Variants in PLA2R1 observed in about 807,000 individuals in gnomAD.
PLA2R1 encodes phospholipase A2 receptor 1.
A neutral mutation model predicts 195.9 loss-of-function variants in PLA2R1; 158 were observed. That is an observed-to-expected ratio of 0.81 (90% CI 0.71 to 0.92). PLA2R1 has a LOEUF of 0.92. Among genes scored for constraint, PLA2R1 ranks in the 40% least tolerant of loss-of-function variants. PLA2R1 has a pLI of 0.00. For synonymous variants in PLA2R1, 586 were observed against 598.2 expected, an observed-to-expected ratio of 0.98 and a Z score of 0.30; for missense variants, 1,626 against 1,764.6, an observed-to-expected ratio of 0.92 and a Z score of 1.41.
intron 24 of PLA2R1, among the ~76,000 whole-genome samples, chr2:159,950,200 T>C (rs1260422579): frequency 6.6e-6 from 1 of 152,206 alleles, no homozygotes; most frequent in Admixed American, 6.5e-5. Flanking sequence ...CAAAACTGAC[T>C]ACATGAAGTT....
In PLA2R1 at chr2:159,932,115, C is replaced by G. The variant is rs557854004; in HGVS notation, c.*9663G>C. 1 of 152,284 alleles carries G rather than the reference C, an allele frequency of 6.6e-6. No homozygotes were observed. Among genetic ancestry groups the G allele is most frequent in the Non-Finnish European group, 1.5e-5 (1 of 68,010 alleles). The allele number at this position is 152,284 out of a possible 1,614,324, so 9.4% of individuals were successfully genotyped here. ...TTCTTGCTTAATATCTCTTTTTTCT[C>G]CCTTCACTTCACTTGGGACGTTTAG... On this transcript the variant is annotated 3_prime_UTR_variant, in exon 30 of 30. Transcript: ENST00000283243.
chr2:159,972,401 C>A (rs1002910362), intron 17 of PLA2R1, among the ~76,000 whole-genome samples: 1 of 152,136 alleles, frequency 6.6e-6, no homozygotes, highest in Non-Finnish European at 1.5e-5. Flanking sequence ...GTCATATGAA[C>A]ATGCATTTTA....
chr2:159,984,375 C>A (rs1405160356), intron 12 of PLA2R1, among the ~76,000 whole-genome samples: 1 of 151,924 alleles, frequency 6.6e-6, no homozygotes, highest in Non-Finnish European at 1.5e-5. Flanking sequence ...ACTTGTCCCT[C>A]AGTAAATATT....
At chr2:159,970,537 C>T (rs1209528249) in intron 17 of PLA2R1, among the ~76,000 whole-genome samples, 1 of 152,136 alleles carries the variant, frequency 6.6e-6, no homozygotes, top group Non-Finnish European at 1.5e-5. Flanking sequence ...AAATTATTGG[C>T]TCATCCTCTC....
chr2:160,005,728 C>CT lies in PLA2R1; in HGVS notation c.1757_1758insA (p.Glu588ArgfsTer51). 6.2e-7 allele frequency: 1 copy of CT among 1,613,560 alleles called. No homozygotes were observed. Among genetic ancestry groups the CT allele is most frequent in the Non-Finnish European group, 8.5e-7 (1 of 1,179,550 alleles). On this transcript the variant is annotated frameshift_variant, in exon 11 of 30. Transcript: ENST00000283243. LOFTEE classifies it high-confidence loss of function. ...CTACTGGCTTCCAAGTGTATTCTCCCGTATCATTTTGGTCCTGAAGAGCTA... is the reference window on the plus strand; with the variant it reads ...CTACTGGCTTCCAAGTGTATTCTCCCTGTATCATTTTGGTCCTGAAGAGCTA...
Position 159,984,052 on chromosome 2 carries a change from G to C in PLA2R1, c.2059C>G (p.Leu687Val). 1.9e-6 allele frequency: 3 copies of C among 1,568,632 alleles called. No homozygotes were observed. Among genetic ancestry groups the C allele is most frequent in the Non-Finnish European group, 2.6e-6 (3 of 1,142,770 alleles). ...CFKVFHSEKV[L>V]MKRTWREAEA... ...GCTTCTCTCCATGTTCTTTTCATCA[G>C]AACTTTTTCACTATGAAATACCTGT... Residue 687 changes from leucine (L) to valine (V), a missense_variant, in exon 13 of 30, where the codon CTG becomes GTG. By Grantham distance (32) the Leu-to-Val change is conservative. Transcript: ENST00000283243.
chr2:160,046,173 C>T (rs1694854793), intron 1 of PLA2R1, among the ~76,000 whole-genome samples: 1 of 152,236 alleles, frequency 6.6e-6, no homozygotes, highest in African/African-American at 2.4e-5. Context: ...GTGCTGGGCA[C>T]ATGGTGGAAA....
chr2:160,005,011 T>C (rs1344529775), intron 11 of PLA2R1, among the ~76,000 whole-genome samples: 1 of 152,138 alleles, frequency 6.6e-6, no homozygotes, highest in Non-Finnish European at 1.5e-5. Context: ...GAGTAAGCAC[T>C]TGAGATTCTT....
intron 27 of PLA2R1, 133 bp downstream of exon 27, chr2:159,946,668 T>C (rs1687404331): frequency 7.1e-7 from 1 of 1,407,936 alleles, no homozygotes; most frequent in Admixed American, 3.0e-5. Flanking sequence ...TTGGAAGAAA[T>C]GGCTTTAGGC....
At chr2:160,054,658 A>G (rs1695421270) in intron 1 of PLA2R1, among the ~76,000 whole-genome samples, 1 of 152,218 alleles carries the variant, frequency 6.6e-6, no homozygotes, top group African/African-American at 2.4e-5. Flanking sequence ...CAAGTTACAG[A>G]TATTCTAATC....
In PLA2R1 at chr2:159,964,863, C is replaced by T. The variant is rs187423664; in HGVS notation, c.2904+2676G>A. On this transcript the variant is annotated intron_variant, in intron 20 of 29. Coordinates refer to ENST00000283243, the MANE Select transcript of PLA2R1 (RefSeq NM_007366.5). Reference sequence around the variant, plus strand: ...CTGGCATGATGAAACCCCGTTTCTACTAAAAATACAAAAATTAGTCAGGCG... The same window carrying T: ...CTGGCATGATGAAACCCCGTTTCTATTAAAAATACAAAAATTAGTCAGGCG... Among the ~76,000 whole-genome samples, 186 of 152,176 alleles carry T rather than the reference C, an allele frequency of 1.2e-3. 1 individual carries two copies. The highest frequency in any genetic ancestry group is 4.3e-3 in the African/African-American group (177 of 41,510).
intron 12 of PLA2R1, 117 bp from the exon 13 acceptor site, chr2:159,984,190 T>C: frequency 1.9e-6 from 1 of 521,760 alleles, no homozygotes; most frequent in African/African-American, 1.9e-5. Context: ...ATAAAGAGCT[T>C]GATCTAGTGG....
Position 160,032,966 on chromosome 2 carries a change from G to A in PLA2R1, c.834C>T (p.Phe278=), listed in dbSNP as rs754220993. The A allele has an allele frequency of 6.2e-7, 1 of 1,608,366 alleles. No individual in the cohort carries two copies. The highest frequency in any genetic ancestry group is 1.7e-5 in the Admixed American group (1 of 59,524). The change falls in exon 4 of 30, where the codon TTC becomes TTT. Residue 278 remains phenylalanine (F), a synonymous_variant. Transcript: ENST00000283243. Reference sequence around the variant, plus strand: ...CGTCATCCACCTACTTACCCCTTATGAAATTTTCTTCAGTTTCATCTGTAA... The same window carrying A: ...CGTCATCCACCTACTTACCCCTTATAAAATTTTCTTCAGTTTCATCTGTAA... ...LSITDETEEN[F]IREHMSSKTV... is the part of the protein sequence containing the mutation.
intron 6 of PLA2R1, among the ~76,000 whole-genome samples, chr2:160,027,110 ACAAAAG>A (rs1431162554): frequency 1.3e-5 from 2 of 152,250 alleles, no homozygotes; most frequent in Non-Finnish European, 2.9e-5. Context: ...AGCCTGGGCC[ACAAAAG>A]CAAGACTTCA....
intron 17 of PLA2R1, among the ~76,000 whole-genome samples, chr2:159,971,143 C>T (rs1193712857): frequency 2.0e-5 from 3 of 152,048 alleles, no homozygotes; most frequent in Non-Finnish European, 4.4e-5. Flanking sequence ...AACATGGACA[C>T]ATTTCAAAAT....
intron 11 of PLA2R1, among the ~76,000 whole-genome samples, chr2:159,988,130 C>A (rs1357728229): frequency 7.0e-6 from 1 of 142,554 alleles, no homozygotes; most frequent in Non-Finnish European, 1.5e-5. Context: ...AGATTGTCAG[C>A]AAAATCTATA....
chr2:159,931,016 T>G (rs1053298606), downstream of PLA2R1, among the ~76,000 whole-genome samples: 2 of 152,184 alleles, frequency 1.3e-5, no homozygotes, highest in African/African-American at 4.8e-5. Context: ...TGAGGGAAAG[T>G]CTAACTTTCT....
At chr2:159,951,152 C>T (rs897744661) in intron 24 of PLA2R1, among the ~76,000 whole-genome samples, 188 bp downstream of exon 24, 1 of 152,138 alleles carries the variant, frequency 6.6e-6, no homozygotes, top group Admixed American at 6.5e-5. Context: ...GGTGTGCACT[C>T]TTATTTTGTA....
At chr2:159,993,225 A>C (rs934184293) in intron 11 of PLA2R1, among the ~76,000 whole-genome samples, 1 of 152,086 alleles carries the variant, frequency 6.6e-6, no homozygotes, top group Non-Finnish European at 1.5e-5. Flanking sequence ...GTATGGATGA[A>C]AACCATTTTT....
Sources: gnomAD v4.1 joint callset for allele counts (sites outside exome capture counted in the v4.1 genomes callset) on GRCh38, gnomAD v4.1.1 for gene constraint, MANE v1.5 for transcripts, NCBI Gene and HGNC (gene_info 2026-07-23, HGNC 2026-07-21) for gene names.